ANO10: variants seen among roughly 807,000 people sequenced by gnomAD.
ANO10 encodes the protein anoctamin 10, also known as anoctamin-10.
Under a neutral mutation model 74.7 loss-of-function variants are expected in ANO10, and 77 were observed. The observed-to-expected ratio is 1.03, with a 90% CI of 0.86 to 1.25. The LOEUF (loss-of-function observed/expected upper bound fraction) is 1.25. ANO10 is among the 50% of genes most tolerant of loss of function. ANO10 has a pLI of 0.00. For missense variants in ANO10, 721 were observed against 778.1 expected, an observed-to-expected ratio of 0.93 and a Z score of 0.87; for synonymous variants, 279 against 284.9, an observed-to-expected ratio of 0.98 and a Z score of 0.21.
At chr3:43,527,746 T>C (rs1375933711) in intron 11 of ANO10, among the ~76,000 whole-genome samples, 7 of 152,014 alleles carry the variant, frequency 4.6e-5, no homozygotes, top group Middle Eastern at 6.8e-3. Flanking sequence ...GAGAGGGAAA[T>C]AGAGATCTAG....
chr3:43,555,775 T>C (rs2079717817), intron 9 of ANO10, among the ~76,000 whole-genome samples: 1 of 152,238 alleles, frequency 6.6e-6, no homozygotes, highest in Non-Finnish European at 1.5e-5. Flanking sequence ...CACTAAGATA[T>C]GCATATTAGG....
At chr3:43,654,423 A>C (rs1468193541) in intron 1 of ANO10, among the ~76,000 whole-genome samples, 1 of 151,616 alleles carries the variant, frequency 6.6e-6, no homozygotes, top group Non-Finnish European at 1.5e-5. Flanking sequence ...AAAATAATCA[A>C]TTCTTTATTT....
intron 1 of ANO10, among the ~76,000 whole-genome samples, chr3:43,630,353 G>A (rs559504451): frequency 7.3e-4 from 111 of 152,182 alleles, no homozygotes; most frequent in Admixed American, 2.7e-3. Context: ...CTACATGAGA[G>A]ACACACCTAA....
At chr3:43,673,180 G>A (rs2084080540) in intron 1 of ANO10, among the ~76,000 whole-genome samples, 2 of 152,184 alleles carry the variant, frequency 1.3e-5, no homozygotes, top group African/African-American at 2.4e-5. Context: ...GGCTAAATAA[G>A]CCAATTTGCT....
At chr3:43,505,281 G>T (rs2077252639) in intron 11 of ANO10, among the ~76,000 whole-genome samples, 1 of 152,152 alleles carries the variant, frequency 6.6e-6, no homozygotes, top group Admixed American at 6.5e-5. Context: ...CAGATCCCCA[G>T]TTAGAATAAA....
intron 11 of ANO10, among the ~76,000 whole-genome samples, chr3:43,470,592 A>ATTATT (rs1559580690): frequency 7.6e-6 from 1 of 131,166 alleles, no homozygotes; most frequent in Non-Finnish European, 1.6e-5. Context: ...CGGCCTGGTA[A>ATTATT]TTATTTTATT....
At chr3:43,471,533 C>T (rs369691935) in intron 11 of ANO10, among the ~76,000 whole-genome samples, 2 of 152,244 alleles carry the variant, frequency 1.3e-5, no homozygotes, top group East Asian at 1.9e-4. Flanking sequence ...AAATGATACG[C>T]TCCCATAGGT....
intron 8 of ANO10, 23 bp downstream of exon 8, chr3:43,565,630 A>AT (rs779897091): frequency 3.9e-6 from 6 of 1,542,896 alleles, no homozygotes; most frequent in Admixed American, 1.9e-5. Context: ...AAAAATTGGT[A>AT]TTTTTCTGTT....
At position 43,389,821 on chromosome 3, in the gene ANO10, C is replaced by T. The variant is rs140378639; in HGVS notation, c.1915-22847G>A. ...AGTATCAAGACTTCCTCAGTGCCCT[C>T]GGAAAAGCCAGTCACTCCTATGCGT... On this transcript the variant is annotated intron_variant, in intron 12 of 12. Coordinates refer to ENST00000292246, the MANE Select transcript of ANO10 (RefSeq NM_018075.5). Among the ~76,000 whole-genome samples, 102 of 152,226 alleles carry T rather than the reference C, an allele frequency of 6.7e-4. 1 individual carries two copies. Among genetic ancestry groups the T allele is most frequent in the African/African-American group, 2.3e-3 (94 of 41,514 alleles).
chr3:43,613,624 G>A (rs1446301045), intron 1 of ANO10, among the ~76,000 whole-genome samples: 1 of 152,110 alleles, frequency 6.6e-6, no homozygotes, highest in Non-Finnish European at 1.5e-5. Context: ...GAGAATATGG[G>A]TATACTTTGT....
upstream of ANO10, among the ~76,000 whole-genome samples, chr3:43,626,037 G>C (rs1367948862): frequency 1.3e-5 from 2 of 151,642 alleles, no homozygotes; most frequent in East Asian, 3.9e-4. Flanking sequence ...GGGTTCAAAT[G>C]CTTCTCCTGC....
chr3:43,438,637 C>A (rs938952524), intron 11 of ANO10, among the ~76,000 whole-genome samples: 2 of 151,994 alleles, frequency 1.3e-5, no homozygotes, highest in Non-Finnish European at 2.9e-5. Flanking sequence ...ATCCCAGCTA[C>A]TTGGGAAGCT....
chr3:43,532,279 C>T (rs1418621982), intron 11 of ANO10, among the ~76,000 whole-genome samples: 7 of 152,202 alleles, frequency 4.6e-5, no homozygotes, highest in African/African-American at 1.2e-4. Flanking sequence ...CGTTTAATGG[C>T]TTAAAATTCT....
chr3:43,453,430 C>T (rs960616801), intron 11 of ANO10, among the ~76,000 whole-genome samples: 25 of 152,152 alleles, frequency 1.6e-4, no homozygotes, highest in South Asian at 4.1e-4. Flanking sequence ...ATGCCCACCT[C>T]GGCCTCCCAA....
intron 12 of ANO10, among the ~76,000 whole-genome samples, chr3:43,382,756 C>A (rs2092004470): frequency 6.6e-6 from 1 of 152,126 alleles, no homozygotes. Context: ...CCTTTATGTG[C>A]ATAAACTAGG....
chr3:43,374,549 G>A (rs1054349959), intron 12 of ANO10, among the ~76,000 whole-genome samples: 1 of 152,174 alleles, frequency 6.6e-6, no homozygotes, highest in East Asian at 1.9e-4. Context: ...GGATCTAGAC[G>A]TTTCATTTTT....
chr3:43,482,872 G>C (rs944766346), intron 11 of ANO10, among the ~76,000 whole-genome samples: 2 of 152,210 alleles, frequency 1.3e-5, no homozygotes, highest in Admixed American at 1.3e-4. Context: ...GTACAGGGCA[G>C]GGATGGGGAC....
intron 2 of ANO10, among the ~76,000 whole-genome samples, chr3:43,601,281 C>T (rs954324419): frequency 9.9e-5 from 15 of 152,206 alleles, no homozygotes; most frequent in African/African-American, 3.6e-4. Flanking sequence ...TCTTGGCTCA[C>T]TGCAACCTCC....
intron 11 of ANO10, among the ~76,000 whole-genome samples, chr3:43,536,477 G>A (rs73084944): frequency 0.07 from 10,698 of 152,132 alleles, 529 homozygotes; most frequent in Middle Eastern, 0.16. Flanking sequence ...TAAAACAATA[G>A]ATCATTTTTG....
Sources: allele counts gnomAD v4.1 joint callset (sites outside exome capture counted in the v4.1 genomes callset), GRCh38; gene constraint gnomAD v4.1.1; transcripts MANE v1.5; gene names NCBI Gene and HGNC (gene_info 2026-07-23, HGNC 2026-07-21).